LIN54: variants seen among roughly 807,000 people sequenced by gnomAD.
The protein encoded by LIN54 is lin-54 DREAM MuvB core complex component.
LIN54 carries 9 observed loss-of-function variants against 78.7 expected under a neutral mutation model. That is an observed-to-expected ratio of 0.11 (90% CI 0.07 to 0.20). The LOEUF (loss-of-function observed/expected upper bound fraction) is 0.20, where lower values mean the gene tolerates loss of function less well. LIN54 is among the 10% of genes least tolerant of loss of function. The pLI is 1.00. For missense variants in LIN54, 573 were observed against 889.9 expected, an observed-to-expected ratio of 0.64 and a Z score of 4.53; for synonymous variants, 269 against 318.4, an observed-to-expected ratio of 0.84 and a Z score of 1.65.
At chr4:82,928,334 G>A in intron 12 of LIN54, 31 bp from the exon 13 acceptor site, 1 of 1,549,670 alleles carries the variant, frequency 6.5e-7, no homozygotes, top group Non-Finnish European at 8.9e-7. Flanking sequence ...GAAAGATGAT[G>A]GTGGTGTTAA....
chr4:83,010,109 T>G (rs1223796260), intron 1 of LIN54, among the ~76,000 whole-genome samples: 1 of 152,126 alleles, frequency 6.6e-6, no homozygotes, highest in African/African-American at 2.4e-5. Flanking sequence ...CAGACTAGGA[T>G]CTAAGACACA....
At chr4:82,994,953 G>A (rs1344278469) in intron 1 of LIN54, among the ~76,000 whole-genome samples, 1 of 151,940 alleles carries the variant, frequency 6.6e-6, no homozygotes, top group Non-Finnish European at 1.5e-5. Context: ...TTATAGGAGT[G>A]GGACTCTCCC....
intron 4 of LIN54, among the ~76,000 whole-genome samples, chr4:82,958,780 G>A (rs1724551175): frequency 2.0e-5 from 3 of 152,112 alleles, no homozygotes; most frequent in African/African-American, 7.2e-5. Flanking sequence ...TCGGCTCACT[G>A]CAAACTCCGC....
chr4:82,953,245 T>G (rs1723993161), intron 4 of LIN54, among the ~76,000 whole-genome samples: 1 of 152,074 alleles, frequency 6.6e-6, no homozygotes, highest in Non-Finnish European at 1.5e-5. Flanking sequence ...CACCTCAGCT[T>G]CCCAAAGTGC....
Position 82,984,614 on chromosome 4 carries a change from T to C in LIN54, c.231A>G (p.Ala77=). 3 of 1,614,224 alleles carry C rather than the reference T, an allele frequency of 1.9e-6. No individual in the cohort carries two copies. Among genetic ancestry groups the C allele is most frequent in the Non-Finnish European group, 2.5e-6 (3 of 1,180,030 alleles). ...TVYSNHTNQV[A]VNTTITKADS... is the part of the protein sequence containing the mutation. ...CTGCTTTAGTAATTGTGGTATTCAC[T>C]GCAACTTGGTTAGTGTGGTTACTGT... is the stretch of plus-strand genomic sequence containing the variant. Residue 77 remains alanine, a synonymous_variant, in exon 2 of 13, where the codon GCA becomes GCG. Coordinates refer to ENST00000340417, the MANE Select transcript of LIN54 (RefSeq NM_194282.4).
At chr4:82,958,834 C>G (rs1478330819) in intron 4 of LIN54, among the ~76,000 whole-genome samples, 1 of 152,020 alleles carries the variant, frequency 6.6e-6, no homozygotes, top group Non-Finnish European at 1.5e-5. Flanking sequence ...TCCCAAGTAG[C>G]TGGGATAACA....
At chr4:83,009,905 G>A (rs549290709) in intron 1 of LIN54, among the ~76,000 whole-genome samples, 2 of 152,204 alleles carry the variant, frequency 1.3e-5, no homozygotes, top group Admixed American at 6.5e-5. Flanking sequence ...AGGAGGGTGA[G>A]TATAGAGAAG....
At chr4:82,938,325 TAAA>T (rs1722557199) in intron 8 of LIN54, 85 bp downstream of exon 8, 6 of 766,262 alleles carry the variant, frequency 7.8e-6, no homozygotes, top group Non-Finnish European at 1.3e-5. Context: ...GGGAAAAAAA[TAAA>T]AGAGGATGTA....
In LIN54 at chr4:82,971,353, T is replaced by C. The variant is rs117159918; in HGVS notation, c.809-884A>G. On this transcript the variant is annotated intron_variant, in intron 3 of 12. Coordinates refer to ENST00000340417, the MANE Select transcript of LIN54 (RefSeq NM_194282.4). ...TTATGAGTAGAAGTGACGTGTGTCA[T>C]TCTTGGGCCACAGCATTTATTACTG... is the stretch of plus-strand genomic sequence containing the variant. Among the ~76,000 whole-genome samples, 73 of 133,662 alleles carry C rather than the reference T, an allele frequency of 5.5e-4. No individual in the cohort carries two copies. The East Asian group carries it at 0.016, about 30-fold the overall frequency. 87.7% of individuals were successfully genotyped at this position (133,662 alleles called of 152,430 possible).
intron 3 of LIN54, among the ~76,000 whole-genome samples, chr4:82,976,382 C>CAA (rs34687744): frequency 2.2e-5 from 3 of 136,552 alleles, no homozygotes; most frequent in South Asian, 2.3e-4. Context: ...CAAAAATCAT[C>CAA]AAAAAAAAAA....
intron 1 of LIN54, among the ~76,000 whole-genome samples, chr4:83,002,724 G>T (rs942869436): frequency 5.9e-5 from 9 of 151,968 alleles, no homozygotes; most frequent in Non-Finnish European, 1.3e-4. Flanking sequence ...TCCTCCTTAC[G>T]GTTTTTGTAA....
At chr4:82,980,137 A>C (rs946624765) in intron 2 of LIN54, among the ~76,000 whole-genome samples, 2 of 151,956 alleles carry the variant, frequency 1.3e-5, no homozygotes, top group Non-Finnish European at 2.9e-5. Flanking sequence ...CACACTGTTG[A>C]CCTGAATTAT....
chr4:82,952,095 G>A (rs552013666), intron 4 of LIN54, among the ~76,000 whole-genome samples: 5 of 152,064 alleles, frequency 3.3e-5, no homozygotes, highest in African/African-American at 1.2e-4. Context: ...AACACCAAAG[G>A]TGCAGACAAT....
At chr4:82,989,850 T>C (rs1409496474) in intron 1 of LIN54, among the ~76,000 whole-genome samples, 1 of 152,208 alleles carries the variant, frequency 6.6e-6, no homozygotes, top group East Asian at 1.9e-4. Flanking sequence ...TATATCCTTA[T>C]TGTGGACACC....
chr4:82,947,235 A>ATATATATATATATATTTTTTT, intron 4 of LIN54, among the ~76,000 whole-genome samples: 2 of 44,290 alleles, frequency 4.5e-5, no homozygotes, highest in Non-Finnish European at 7.3e-5. Flanking sequence ...ATATATATAT[A>ATATATATATATATATTTTTTT]TTTTTTTTTT....
intron 1 of LIN54, among the ~76,000 whole-genome samples, chr4:82,996,280 G>A (rs1728212000): frequency 6.6e-6 from 1 of 152,064 alleles, no homozygotes; most frequent in Admixed American, 6.6e-5. Flanking sequence ...CAAGAAAAGA[G>A]AGGCTCTTCA....
rs577635060 is a variant in LIN54, at chr4:82,932,188, A to G, written c.1846-1043T>C. ...CAGCTCACTGCAAGCTCCGCCTCCC[A>G]GGTTCACGCCATTCTCTTGCCTCAG... On this transcript the variant is annotated intron_variant, in intron 11 of 12. Transcript: ENST00000340417. Among the ~76,000 whole-genome samples, 346 of 141,168 alleles carry G rather than the reference A, an allele frequency of 2.5e-3. 1 individual carries two copies. In the Middle Eastern group the frequency reaches 0.027, roughly 11 times the overall value. 92.6% of individuals were successfully genotyped at this position (141,168 alleles called of 152,430 possible).
intron 2 of LIN54, among the ~76,000 whole-genome samples, chr4:82,980,706 C>T (rs1413877888): frequency 6.6e-6 from 1 of 152,040 alleles, no homozygotes; most frequent in Non-Finnish European, 1.5e-5. Flanking sequence ...TGTTTACAGA[C>T]TTAAAACCCT....
At chr4:82,987,839 A>G (rs182799337) in intron 1 of LIN54, among the ~76,000 whole-genome samples, 1 of 152,328 alleles carries the variant, frequency 6.6e-6, no homozygotes, top group East Asian at 1.9e-4. Context: ...TGCAATAAAC[A>G]TATGTGTGCA....
Sources: gnomAD v4.1 joint callset for allele counts (sites outside exome capture counted in the v4.1 genomes callset) on GRCh38, gnomAD v4.1.1 for gene constraint, MANE v1.5 for transcripts, NCBI Gene and HGNC (gene_info 2026-07-23, HGNC 2026-07-21) for gene names.